Variants in ARHGAP39 observed in about 807,000 individuals in gnomAD.
ARHGAP39 encodes the protein rho GTPase-activating protein 39.
In ARHGAP39, 44 loss-of-function variants were observed where a neutral mutation model predicts 106.9. The ratio of observed to expected loss-of-function variants is 0.41; its 90% CI spans 0.32 to 0.53. The LOEUF is 0.53. Among genes scored for constraint, ARHGAP39 ranks in the 20% least tolerant of loss-of-function variants. The pLI is 0.21. For synonymous variants in ARHGAP39, 768 were observed against 693.2 expected (o/e 1.11, Z -1.69); for missense variants, 1,496 against 1,577.3 (o/e 0.95, Z 0.87).
Position 144,548,330 on chromosome 8 carries a change from G to A in ARHGAP39, c.756C>T (p.Pro252=), listed in dbSNP as rs1333305675. The A allele has an allele frequency of 8.1e-6, 13 of 1,607,694 alleles. No homozygotes were observed. Among genetic ancestry groups the A allele is most frequent in the African/African-American group, 1.3e-5 (1 of 74,838 alleles). The change falls in exon 5 of 12, where the codon CCC becomes CCT. Residue 252 remains proline, a synonymous_variant. Coordinates refer to ENST00000377307, the MANE Select transcript of ARHGAP39 (RefSeq NM_025251.3). The surrounding 1 kb of genome is among the most constrained non-coding windows in gnomAD (Gnocchi z 7.4). ...CCTCCGGGGCGAAGGTCTGCAGGCT[G>A]GGTGAGTGCTGGCTGCCGGAGGGTC... The part of the protein sequence containing the change: ...SRRPSGSQHS[P]SLQTFAPEAD...
chr8:144,576,629 C>T (rs1818788361), intron 3 of ARHGAP39, among the ~76,000 whole-genome samples: 1 of 152,172 alleles, frequency 6.6e-6, no homozygotes, highest in African/African-American at 2.4e-5. Flanking sequence ...AGAGACGAGT[C>T]AAAACGAATA....
intron 2 of ARHGAP39, among the ~76,000 whole-genome samples, chr8:144,602,436 T>C (rs1371840396): frequency 7.6e-6 from 1 of 132,178 alleles, no homozygotes; most frequent in African/African-American, 2.9e-5. Context: ...TGTGTGTGCA[T>C]GGAGTTGTGC....
intron 2 of ARHGAP39, among the ~76,000 whole-genome samples, chr8:144,601,725 CTGTG>C (rs773022226): frequency 5.5e-5 from 6 of 108,478 alleles, no homozygotes; most frequent in African/African-American, 1.1e-4. Flanking sequence ...GCTCATGTAC[CTGTG>C]TGTGTGCGTG....
intron 3 of ARHGAP39, among the ~76,000 whole-genome samples, chr8:144,565,066 C>T (rs888914826): frequency 4.6e-5 from 7 of 150,812 alleles, no homozygotes; most frequent in African/African-American, 7.3e-5. Flanking sequence ...GCCGAGATTG[C>T]GCCATTGCAC....
At chr8:144,678,205 G>A (rs1217909507) in intron 1 of ARHGAP39, among the ~76,000 whole-genome samples, 7 of 152,004 alleles carry the variant, frequency 4.6e-5, no homozygotes, top group African/African-American at 1.7e-4. Flanking sequence ...AGGAGATGGA[G>A]GCTGCACTGA....
chr8:144,692,727 G>T, the ARHGAP39 span, among the ~76,000 whole-genome samples: 1 of 137,340 alleles, frequency 7.3e-6, no homozygotes, highest in Non-Finnish European at 1.6e-5. Context: ...AGGAAGAGAA[G>T]AAAATGTGTA....
At chr8:144,619,316 C>A (rs1006085948) in intron 1 of ARHGAP39, among the ~76,000 whole-genome samples, 2 of 152,366 alleles carry the variant, frequency 1.3e-5, no homozygotes, top group African/African-American at 4.8e-5. Context: ...CTCCGAGAAG[C>A]GCGGGTCCCC....
chr8:144,651,337 A>C (rs932767106), intron 1 of ARHGAP39, among the ~76,000 whole-genome samples: 2 of 152,206 alleles, frequency 1.3e-5, no homozygotes, highest in Admixed American at 1.3e-4. Flanking sequence ...TGTACAAAGA[A>C]ATTTACAAAT....
rs914862327 is a variant in ARHGAP39 at position 144,576,362 on chromosome 8, GA to G, written c.512+4483del. On this transcript the variant is annotated intron_variant, in intron 3 of 11. Coordinates refer to ENST00000377307, the MANE Select transcript of ARHGAP39 (RefSeq NM_025251.3). ...AAAAAAAAAAAAAAAAAAAAAGAAC[GA>G]AAAAAAACCTCCCACAGAGCTTCTC... 3.3e-4 allele frequency among the ~76,000 whole-genome samples: 44 copies of G among 132,316 alleles called. No individual in the cohort carries two copies. In the East Asian group the frequency reaches 8.2e-3, roughly 25 times the overall value. 86.8% of individuals were successfully genotyped at this position (132,316 alleles called of 152,430 possible).
chr8:144,592,492 G>T (rs1819443296), intron 2 of ARHGAP39, among the ~76,000 whole-genome samples: 1 of 120,130 alleles, frequency 8.3e-6, no homozygotes, highest in Non-Finnish European at 1.7e-5. Context: ...ACAGCACTGA[G>T]CCCAGACCCT....
Position 144,547,569 on chromosome 8 carries a change from C to G in ARHGAP39, c.1517G>C (p.Ser506Thr). Residue 506 changes from serine to threonine, a missense_variant, in exon 5 of 12, where the codon AGC becomes ACC. Physicochemically the swap from Ser to Thr is moderately conservative, Grantham distance 58. This residue lies in a region of ARHGAP39 where 905 missense variants were observed against 816.4 expected (regional missense o/e 1.11). Coordinates refer to ENST00000377307, the MANE Select transcript of ARHGAP39 (RefSeq NM_025251.3). This position sits in a 1 kb window ranked among gnomAD's most constrained non-coding sequence, Gnocchi z 5.2. ...SRKPSLCQAT[S>T]ATPTEGPGDL... is the part of the protein sequence containing the mutation. The stretch of plus-strand genomic sequence containing the variant: ...CCCGGGGCCCTCAGTGGGGGTGGCG[C>G]TGGTGGCTTGGCACAAAGAGGGCTT... 6.8e-7 allele frequency: 1 copy of G among 1,472,396 alleles called. No individual in the cohort carries two copies. Among genetic ancestry groups the G allele is most frequent in the South Asian group, 1.4e-5 (1 of 72,096 alleles). 91.2% of individuals were successfully genotyped at this position (1,472,396 alleles called of 1,614,324 possible).
chr8:144,629,606 C>T (rs7013296), intron 1 of ARHGAP39, among the ~76,000 whole-genome samples: 12,514 of 152,258 alleles, frequency 0.082, 1,094 homozygotes, highest in East Asian at 0.25. Context: ...CAGATTCAAC[C>T]CTGTGAAATT....
At position 144,538,588 on chromosome 8, in the gene ARHGAP39, G is replaced by A. The variant is rs1241053723; in HGVS notation, c.2522-775C>T. 3.3e-5 allele frequency among the ~76,000 whole-genome samples: 5 copies of A among 152,202 alleles called. 1 individual carries two copies. The highest frequency in any genetic ancestry group is 3.3e-4 in the Admixed American group (5 of 15,290). On this transcript the variant is annotated intron_variant, in intron 6 of 11. Coordinates refer to ENST00000377307, the MANE Select transcript of ARHGAP39 (RefSeq NM_025251.3). ...AGTTTTTTCTTCTTTTTGAGATAGGGTCTGTGTCACCCAGGCTGGAGTGAG... is the reference window on the plus strand; with the variant it reads ...AGTTTTTTCTTCTTTTTGAGATAGGATCTGTGTCACCCAGGCTGGAGTGAG...
At chr8:144,533,462 T>C (rs772763551) in intron 8 of ARHGAP39, 137 bp from the exon 9 acceptor site, 3 of 882,934 alleles carry the variant, frequency 3.4e-6, no homozygotes, top group Non-Finnish European at 5.2e-6. Context: ...GGTCCGAGTG[T>C]GGTGTTTCCC....
At chr8:144,581,358 GC>G in intron 2 of ARHGAP39, 81 bp from the exon 3 acceptor site, 1 of 1,388,108 alleles carries the variant, frequency 7.2e-7, no homozygotes, top group Non-Finnish European at 9.7e-7. Flanking sequence ...CCCGGCTCCA[GC>G]CCCAGCTGCG....
rs376645948 is a variant in ARHGAP39, at chr8:144,576,689, C to T, written c.512+4157G>A. ...AATACCAATTCTCTGAGAAGTTCTG[C>T]GCAGGCCCGAAGCCGTCCATTCTGT... On this transcript the variant is annotated intron_variant, in intron 3 of 11. Transcript: ENST00000377307. Among the ~76,000 whole-genome samples, 216 of 152,336 alleles carry T rather than the reference C, an allele frequency of 1.4e-3. 11 individuals are homozygous for T. The South Asian group carries it at 0.042, about 30-fold the overall frequency.
At chr8:144,640,838 A>C (rs1324544421) in intron 1 of ARHGAP39, among the ~76,000 whole-genome samples, 1 of 152,190 alleles carries the variant, frequency 6.6e-6, no homozygotes, top group East Asian at 1.9e-4. Flanking sequence ...GGTATTAGAT[A>C]AGCGTCCCAC....
chr8:144,582,398 G>A (rs868025850), intron 2 of ARHGAP39, among the ~76,000 whole-genome samples: 1 of 152,228 alleles, frequency 6.6e-6, no homozygotes, highest in Non-Finnish European at 1.5e-5. Context: ...GTCTGTCCCC[G>A]CCACCCCCAG....
intron 1 of ARHGAP39, among the ~76,000 whole-genome samples, chr8:144,667,549 T>G (rs1223885690): frequency 6.6e-6 from 1 of 152,218 alleles, no homozygotes; most frequent in Non-Finnish European, 1.5e-5. Flanking sequence ...CCCTGGGATG[T>G]CCCGGCACCT....
Sources: gnomAD v4.1 joint callset for allele counts (sites outside exome capture counted in the v4.1 genomes callset) on GRCh38, gnomAD v4.1.1 for gene constraint, gnomAD v4.1.1 regional missense constraint, Gnocchi (gnomAD v3.1) non-coding constraint, MANE v1.5 for transcripts, NCBI Gene and HGNC (gene_info 2026-07-23, HGNC 2026-07-21) for gene names.